The following SNX3 variants were observed in gnomAD, a reference collection of about 807,000 sequenced individuals.
SNX3 encodes sorting nexin-3.
A neutral mutation model predicts 17.7 loss-of-function variants in SNX3; 5 were observed. The ratio of observed to expected loss-of-function variants is 0.28; its 90% CI spans 0.15 to 0.59. SNX3 has a LOEUF of 0.59. SNX3 is among the 20% of genes least tolerant of loss of function. The pLI is 0.88. For synonymous variants in SNX3, 91 were observed against 76.5 expected (o/e 1.19, Z -0.99); for missense variants, 132 against 206.8 (o/e 0.64, Z 2.22).
At chr6:108,247,664 G>A (rs1272984853) in intron 1 of SNX3, among the ~76,000 whole-genome samples, 4 of 152,214 alleles carry the variant, frequency 2.6e-5, no homozygotes, top group Admixed American at 6.5e-5. Context: ...TTATAGGCAT[G>A]AGCCACCACG....
intron 1 of SNX3, among the ~76,000 whole-genome samples, chr6:108,237,560 CG>C (rs1247413148): frequency 5.3e-5 from 8 of 152,074 alleles, no homozygotes; most frequent in Admixed American, 1.3e-4. Flanking sequence ...CCGAGGCAGG[CG>C]GATCGATCAC....
chr6:108,237,150 T>A (rs1329419747), intron 1 of SNX3, among the ~76,000 whole-genome samples: 4 of 152,240 alleles, frequency 2.6e-5, no homozygotes, highest in Admixed American at 6.5e-5. Flanking sequence ...AAATATTTTC[T>A]GGCTACTATA....
At chr6:108,254,571 T>C (rs1419543412) in intron 1 of SNX3, among the ~76,000 whole-genome samples, 4 of 152,204 alleles carry the variant, frequency 2.6e-5, no homozygotes, top group Non-Finnish European at 4.4e-5. Flanking sequence ...AAACTTCATT[T>C]ATTTGTAAGT....
intron 2 of SNX3, chr6:108,222,288 A>G: frequency 7.7e-7 from 1 of 1,304,094 alleles, no homozygotes; most frequent in Non-Finnish European, 1.0e-6. Flanking sequence ...TCCTTCCATG[A>G]CTCCTTGCCT....
chr6:108,213,600 C>A (rs1282726171), intron 3 of SNX3, among the ~76,000 whole-genome samples: 1 of 149,056 alleles, frequency 6.7e-6, no homozygotes, highest in South Asian at 2.1e-4. Context: ...TTCACTGAGC[C>A]GAGACTGCAC....
At chr6:108,218,791 T>A (rs1774664065) in intron 2 of SNX3, among the ~76,000 whole-genome samples, 2 of 152,250 alleles carry the variant, frequency 1.3e-5, no homozygotes, top group Admixed American at 1.3e-4. Context: ...CATTTACATA[T>A]GCCCAGAATG....
intron 2 of SNX3, among the ~76,000 whole-genome samples, chr6:108,218,445 G>A (rs993080080): frequency 6.6e-6 from 1 of 152,176 alleles, no homozygotes; most frequent in African/African-American, 2.4e-5. Context: ...AAATTACACA[G>A]CTGCTTTGGA....
In SNX3 at chr6:108,260,995, T is replaced by C. The variant is rs1362451888; in HGVS notation, c.-74A>G. 7.3e-6 allele frequency: 10 copies of C among 1,361,230 alleles called. No homozygotes were observed. The East Asian group carries it at 2.1e-4, about 29-fold the overall frequency. 84.3% of individuals were successfully genotyped at this position (1,361,230 alleles called of 1,614,324 possible). ...GTTCAGCCGCCGCCGCCGCCGCTGC[T>C]GCCCGCCGTGGGGACACGGGGCTCG... is the stretch of plus-strand genomic sequence containing the variant. On this transcript the variant is annotated 5_prime_UTR_variant, in exon 1 of 4. Transcript: ENST00000230085.
intron 1 of SNX3, among the ~76,000 whole-genome samples, chr6:108,249,570 T>C (rs1775788871): frequency 6.6e-6 from 1 of 152,226 alleles, no homozygotes; most frequent in African/African-American, 2.4e-5. Flanking sequence ...ACCATGAACC[T>C]GCTGCCCACT....
rs1198829446 is a variant in SNX3 at position 108,213,203 on chromosome 6, AGAG to A, written c.384-952_384-950del. On this transcript the variant is annotated intron_variant, in intron 3 of 3. Transcript: ENST00000230085. ...TGTACCAGGCCAGAGTCTATTTTAA[AGAG>A]GAGAAGATACAGGATTGAAGTTAGA... Among the ~76,000 whole-genome samples the A allele has an allele frequency of 2.0e-5, 3 of 152,090 alleles. No individual in the cohort carries two copies. The South Asian group carries it at 6.2e-4, about 32-fold the overall frequency.
Position 108,260,809 on chromosome 6 carries a change from G to A in SNX3, c.113C>T (p.Thr38Met), listed in dbSNP as rs746310983. 6.2e-7 allele frequency: 1 copy of A among 1,613,922 alleles called. No homozygotes were observed. Among genetic ancestry groups the A allele is most frequent in the Admixed American group, 1.7e-5 (1 of 60,026 alleles). ...GAAGCGGCCCCGGCCGACCCCCACCGTTTGCGGGTTGCTCACATCGATCTC... is the reference window on the plus strand; with the variant it reads ...GAAGCGGCCCCGGCCGACCCCCACCATTTGCGGGTTGCTCACATCGATCTC... The part of the protein sequence containing the change: ...FLEIDVSNPQ[T>M]VGVGRGRFTT... Residue 38 changes from threonine (T) to methionine (M), a missense_variant, in exon 1 of 4, where the codon ACG becomes ATG. Thr to Met is a moderately conservative substitution (Grantham distance 81). This residue lies in a region of SNX3 where 78 missense variants were observed against 88.8 expected (regional missense o/e 0.88). Transcript: ENST00000230085.
At chr6:108,239,823 A>T (rs1265222026) in intron 1 of SNX3, among the ~76,000 whole-genome samples, 1 of 152,236 alleles carries the variant, frequency 6.6e-6, no homozygotes, top group Non-Finnish European at 1.5e-5. Flanking sequence ...ATATCTCAAC[A>T]ACTACTATGT....
At chr6:108,254,659 G>A (rs1775979758) in intron 1 of SNX3, among the ~76,000 whole-genome samples, 1 of 152,150 alleles carries the variant, frequency 6.6e-6, no homozygotes, top group South Asian at 2.1e-4. Flanking sequence ...AGCTTATAAT[G>A]GGTGACACAG....
At position 108,212,191 on chromosome 6, in the gene SNX3, T is replaced by C. The variant is rs1562415819; in HGVS notation, c.447A>G (p.Ile149Met). Residue 149 changes from isoleucine to methionine, a missense_variant, in exon 4 of 4, where the codon ATA (isoleucine) becomes ATG (methionine). By Grantham distance (10) the Ile-to-Met change is conservative. This residue lies in a region of SNX3 where 54 missense variants were observed against 118.0 expected (regional missense o/e 0.46). Transcript: ENST00000230085. Reference protein sequence around the residue: ...RCLHMFLQDEIIDKSYTPSKI... With the variant: ...RCLHMFLQDEMIDKSYTPSKI... ...TAGATGGAGTATAGCTTTTATCTAT[T>C]ATTTCATCTTGTAAAAACATGTGAA... The C allele has an allele frequency of 6.2e-7, 1 of 1,610,834 alleles. No individual in the cohort carries two copies.
intron 1 of SNX3, among the ~76,000 whole-genome samples, chr6:108,241,372 C>G (rs936862574): frequency 1.3e-5 from 2 of 151,782 alleles, no homozygotes; most frequent in African/African-American, 4.8e-5. Context: ...AAAGCAGAAG[C>G]TGGTCAGGTG....
chr6:108,260,917 G>A lies in SNX3; in HGVS notation c.5C>T (p.Ala2Val), dbSNP rs1325394635. The change falls in exon 1 of 4, where the codon GCG becomes GTG. Residue 2 changes from alanine to valine, a missense_variant. By Grantham distance (64) the Ala-to-Val change is moderately conservative. Coordinates refer to ENST00000230085, the MANE Select transcript of SNX3 (RefSeq NM_003795.6). Reference protein sequence around the residue: MAETVADTRRLI... With the variant: MVETVADTRRLI... ...CCGCCGGGTGTCAGCCACGGTCTCC[G>A]CCATTTCGCTGTAGCTGCTGCCGCC... The A allele has an allele frequency of 6.9e-6, 11 of 1,588,204 alleles. No individual in the cohort carries two copies. Among genetic ancestry groups the A allele is most frequent in the African/African-American group, 1.4e-5 (1 of 72,430 alleles).
chr6:108,222,900 T>C, intron 2 of SNX3, 50 bp downstream of exon 2: 1 of 1,061,538 alleles, frequency 9.4e-7, no homozygotes, highest in Non-Finnish European at 1.4e-6. Flanking sequence ...ATATTAAACA[T>C]TAAAACTTGG....
chr6:108,219,868 C>CTAATA (rs1308884116), intron 2 of SNX3, among the ~76,000 whole-genome samples: 8 of 152,226 alleles, frequency 5.3e-5, no homozygotes, highest in African/African-American at 1.4e-4. Flanking sequence ...AGAGATGGAC[C>CTAATA]ACTTAAGATA....
At chr6:108,214,754 A>G in intron 2 of SNX3, 132 bp from the exon 3 acceptor site, 1 of 894,400 alleles carries the variant, frequency 1.1e-6, no homozygotes, top group Non-Finnish European at 1.6e-6. Context: ...AATATAAAAG[A>G]GCAAAAAATA....
Sources: allele counts gnomAD v4.1 joint callset (sites outside exome capture counted in the v4.1 genomes callset), GRCh38; gene constraint gnomAD v4.1.1; regional missense constraint gnomAD v4.1.1; transcripts MANE v1.5; gene names NCBI Gene and HGNC (gene_info 2026-07-23, HGNC 2026-07-21).